The following POFUT3 variants were observed in gnomAD, a reference collection of about 807,000 sequenced individuals.
POFUT3 encodes the protein protein O-fucosyltransferase 3.
chr8:33,377,823 G>T, the POFUT3 span, among the ~76,000 whole-genome samples: 1 of 152,190 alleles, frequency 6.6e-6, no homozygotes, highest in Non-Finnish European at 1.5e-5. Context: ...TCCTAGCAAT[G>T]AGAAAAATAC....
chr8:33,436,754 G>T, the POFUT3 span: 2 of 577,678 alleles, frequency 3.5e-6, no homozygotes, highest in South Asian at 2.2e-5. Context: ...CAGCACGGAC[G>T]CTTCTGACAA....
chr8:33,380,040 GATATATATACACT>G, the POFUT3 span, among the ~76,000 whole-genome samples: 22 of 59,396 alleles, frequency 3.7e-4, 1 homozygote, highest in South Asian at 3.3e-3. Context: ...ATATATATAC[GATATATATACACT>G]ATATATATAC....
chr8:33,453,198 G>T, the POFUT3 span: 1 of 1,609,188 alleles, frequency 6.2e-7, no homozygotes, highest in Non-Finnish European at 8.5e-7. Flanking sequence ...AAGGGAGAAA[G>T]GCGAAAGTCC....
chr8:33,345,562 A>C, the POFUT3 span, among the ~76,000 whole-genome samples: 10 of 151,698 alleles, frequency 6.6e-5, no homozygotes, highest in South Asian at 2.1e-3. Flanking sequence ...CACCACGCCC[A>C]GCTAATGTTT....
chr8:33,335,296 T>C, the POFUT3 span, among the ~76,000 whole-genome samples: 4 of 152,172 alleles, frequency 2.6e-5, no homozygotes, highest in Admixed American at 2.6e-4. Context: ...CTATGCTTAT[T>C]TTTACCAAAC....
At chr8:33,333,769 AG>A in the POFUT3 span, among the ~76,000 whole-genome samples, 1 of 152,188 alleles carries the variant, frequency 6.6e-6, no homozygotes, top group Non-Finnish European at 1.5e-5. Context: ...GCACGGATTC[AG>A]GTCCATACTC....
chr8:33,470,696 G>C, the POFUT3 span, among the ~76,000 whole-genome samples: 2 of 152,128 alleles, frequency 1.3e-5, no homozygotes, highest in African/African-American at 4.8e-5. Context: ...CTGCAGACTA[G>C]AAAAAACAAA....
At chr8:33,328,060 C>T in the POFUT3 span, among the ~76,000 whole-genome samples, 1 of 152,178 alleles carries the variant, frequency 6.6e-6, no homozygotes, top group African/African-American at 2.4e-5. Flanking sequence ...CTCATTTAGT[C>T]TTTTATTCTT....
chr8:33,472,382 T>C, the POFUT3 span, among the ~76,000 whole-genome samples: 2 of 152,232 alleles, frequency 1.3e-5, no homozygotes, highest in South Asian at 2.1e-4. Context: ...TCCCAGAAAA[T>C]GTCATAAAAT....
At chr8:33,356,168 G>A in the POFUT3 span, among the ~76,000 whole-genome samples, 1 of 152,142 alleles carries the variant, frequency 6.6e-6, no homozygotes, top group African/African-American at 2.4e-5. Flanking sequence ...ATGATCTATA[G>A]TCATTTGGGT....
the POFUT3 span, among the ~76,000 whole-genome samples, chr8:33,336,516 TAAC>T: frequency 1.6e-3 from 237 of 152,338 alleles, 1 homozygote; most frequent in African/African-American, 5.4e-3. Context: ...TTTAAAAGTT[TAAC>T]AACTGGGTCT....
chr8:33,317,788 A>G, the POFUT3 span, among the ~76,000 whole-genome samples: 1 of 151,838 alleles, frequency 6.6e-6, no homozygotes, highest in Non-Finnish European at 1.5e-5. Flanking sequence ...TAACACACCC[A>G]CTCATCAAGC....
At chr8:33,369,522 C>G in the POFUT3 span, among the ~76,000 whole-genome samples, 1 of 152,136 alleles carries the variant, frequency 6.6e-6, no homozygotes, top group Non-Finnish European at 1.5e-5. Context: ...ACTTCTGTTT[C>G]TTATAAGCCA....
At chr8:33,356,659 G>T in the POFUT3 span, among the ~76,000 whole-genome samples, 3 of 152,058 alleles carry the variant, frequency 2.0e-5, no homozygotes, top group Admixed American at 6.5e-5. Flanking sequence ...TTGCTGTGCA[G>T]AAGCTCTTTA....
the POFUT3 span, among the ~76,000 whole-genome samples, chr8:33,321,417 C>G: frequency 6.6e-6 from 1 of 152,044 alleles, no homozygotes; most frequent in Admixed American, 6.6e-5. Context: ...CCTGGTATCA[C>G]TTTCTCTCCT....
the POFUT3 span, among the ~76,000 whole-genome samples, chr8:33,343,021 C>T: frequency 1.6e-4 from 24 of 151,488 alleles, no homozygotes; most frequent in African/African-American, 2.9e-4. Context: ...GCAGGAGAAT[C>T]GCTTGAACCT....
the POFUT3 span, among the ~76,000 whole-genome samples, chr8:33,402,036 A>C: frequency 6.6e-6 from 1 of 152,128 alleles, no homozygotes; most frequent in African/African-American, 2.4e-5. Context: ...CAAAAAAAAA[A>C]GAAAAAGAAA....
At chr8:33,464,568 G>A in the POFUT3 span, among the ~76,000 whole-genome samples, 1 of 152,076 alleles carries the variant, frequency 6.6e-6, no homozygotes, top group African/African-American at 2.4e-5. Context: ...CCAACAGCTT[G>A]GGAGGCCAAG....
At chr8:33,405,687 C>A in the POFUT3 span, among the ~76,000 whole-genome samples, 2 of 152,116 alleles carry the variant, frequency 1.3e-5, no homozygotes, top group African/African-American at 4.8e-5. Context: ...TCTTATCAGT[C>A]AGTCATGGGG....
Sources: gnomAD v4.1 joint callset for allele counts (sites outside exome capture counted in the v4.1 genomes callset) on GRCh38, gnomAD v4.1.1 for gene constraint, MANE v1.5 for transcripts, NCBI Gene and HGNC (gene_info 2026-07-23, HGNC 2026-07-21) for gene names.